Variants in PASD1 observed in about 807,000 individuals in gnomAD.
PASD1 encodes the protein circadian clock protein PASD1.
In PASD1, 13 loss-of-function variants were observed where a neutral mutation model predicts 58.8. The ratio of observed to expected loss-of-function variants is 0.22; its 90% confidence interval spans 0.14 to 0.35. The LOEUF (loss-of-function observed/expected upper bound fraction) is 0.35. Ranked by LOEUF, PASD1 falls within the 10% of genes least tolerant of loss-of-function variation. The pLI is 1.00. For missense variants in PASD1, 734 were observed against 568.3 expected, an observed-to-expected ratio of 1.29 and a Z score of -2.96; for synonymous variants, 236 against 216.7, an observed-to-expected ratio of 1.09 and a Z score of -0.78.
chrX:151,607,435 T>G (rs931022035), intron 3 of PASD1, among the ~76,000 whole-genome samples: 2 of 111,664 alleles, frequency 1.8e-5, no homozygotes, highest in Non-Finnish European at 3.8e-5. Context: ...AAAATTTATA[T>G]GCTAAGGTTT....
intron 1 of PASD1, among the ~76,000 whole-genome samples, chrX:151,591,607 A>G (rs759262676): frequency 4.5e-5 from 5 of 111,725 alleles, no homozygotes; most frequent in African/African-American, 1.3e-4. Context: ...TTCTTTTTCA[A>G]TCTTTCCATG....
intron 8 of PASD1, among the ~76,000 whole-genome samples, chrX:151,643,849 A>C (rs746318027): frequency 8.9e-6 from 1 of 112,295 alleles, no homozygotes; most frequent in East Asian, 2.8e-4. Context: ...AGATGATAAC[A>C]GAGCATATGT....
intron 4 of PASD1, among the ~76,000 whole-genome samples, chrX:151,612,711 A>C (rs1450909022): frequency 2.7e-5 from 3 of 110,822 alleles, no homozygotes; most frequent in South Asian, 3.9e-4. Flanking sequence ...TAGATTCTGG[A>C]TATTAGCCCT....
intron 3 of PASD1, among the ~76,000 whole-genome samples, chrX:151,606,161 A>G (rs1443230991): frequency 9.9e-6 from 1 of 100,847 alleles, no homozygotes; most frequent in Non-Finnish European, 2.0e-5. Flanking sequence ...GGCTTTAATA[A>G]CTTCCCTAGA....
chrX:151,605,883 ACTCT>A (rs1328485662), intron 3 of PASD1, among the ~76,000 whole-genome samples: 5 of 111,739 alleles, frequency 4.5e-5, no homozygotes, highest in Admixed American at 9.5e-5. Context: ...ACTGCACCTG[ACTCT>A]CTCTCAATTT....
chrX:151,642,205 G>A (rs1490986349), intron 8 of PASD1, among the ~76,000 whole-genome samples: 1 of 111,667 alleles, frequency 9.0e-6, no homozygotes, highest in African/African-American at 3.3e-5. Context: ...GGGCTTTTCT[G>A]GCTGTAAGTT....
At chrX:151,580,897 C>A (rs1569398521) in intron 1 of PASD1, among the ~76,000 whole-genome samples, 1 of 110,887 alleles carries the variant, frequency 9.0e-6, no homozygotes, top group African/African-American at 3.3e-5. Context: ...GTATTGTTTA[C>A]TATACAGTAA....
intron 9 of PASD1, among the ~76,000 whole-genome samples, chrX:151,653,868 C>CTCTT (rs1222060384): frequency 0.014 from 226 of 16,392 alleles, 17 homozygotes; most frequent in East Asian, 0.024. Flanking sequence ...CCCTCCCTCC[C>CTCTT]TCTTTCTTTC....
chrX:151,612,519 A>T (rs746138420), intron 4 of PASD1, among the ~76,000 whole-genome samples: 267 of 110,353 alleles, frequency 2.4e-3, no homozygotes, highest in Middle Eastern at 9.3e-3. Flanking sequence ...CTAACTGGTG[A>T]GAGATGGTAT....
At chrX:151,615,836 A>C (rs566605696) in intron 4 of PASD1, among the ~76,000 whole-genome samples, 1 of 112,314 alleles carries the variant, frequency 8.9e-6, no homozygotes, top group Non-Finnish European at 1.9e-5. Flanking sequence ...CTCTTCTATA[A>C]GTGGGGAAAT....
At chrX:151,593,034 T>C (rs773900973) in intron 1 of PASD1, among the ~76,000 whole-genome samples, 7 of 110,981 alleles carry the variant, frequency 6.3e-5, no homozygotes, top group South Asian at 3.9e-4. Context: ...TAGTTAGATG[T>C]AAACATATTT....
intron 4 of PASD1, among the ~76,000 whole-genome samples, chrX:151,613,367 A>G (rs1225505058): frequency 9.2e-6 from 1 of 108,764 alleles, no homozygotes; most frequent in East Asian, 2.8e-4. Flanking sequence ...AGTCCTTGGT[A>G]GCTTGATGGG....
At chrX:151,631,823 T>C (rs2013872109) in intron 8 of PASD1, among the ~76,000 whole-genome samples, 2 of 112,045 alleles carry the variant, frequency 1.8e-5, no homozygotes, top group Admixed American at 9.5e-5. Context: ...TACCATACTA[T>C]ACTATACCGT....
intron 1 of PASD1, among the ~76,000 whole-genome samples, chrX:151,578,831 CAA>C (rs961274949): frequency 3.6e-5 from 4 of 112,054 alleles, no homozygotes; most frequent in African/African-American, 1.3e-4. Context: ...CTGTGGTGAA[CAA>C]AAAGTCTCCT....
At chrX:151,666,961 C>T (rs1041519949) in intron 11 of PASD1, among the ~76,000 whole-genome samples, 2 of 109,202 alleles carry the variant, frequency 1.8e-5, no homozygotes, top group South Asian at 4.0e-4. Context: ...AATTGCCACA[C>T]TTTCTTCCAC....
chrX:151,645,011 T>C (rs2014042739), intron 8 of PASD1, among the ~76,000 whole-genome samples: 1 of 111,175 alleles, frequency 9.0e-6, no homozygotes, highest in African/African-American at 3.3e-5. Flanking sequence ...TGCTAGTATC[T>C]AGTTATCAAG....
At chrX:151,671,532 T>C in intron 12 of PASD1, 41 bp from the exon 13 acceptor site, 1 of 1,183,872 alleles carries the variant, frequency 8.4e-7, no homozygotes, top group South Asian at 1.8e-5. Context: ...AGGAAAGGTG[T>C]GGACTGTGAA....
intron 1 of PASD1, among the ~76,000 whole-genome samples, chrX:151,597,330 A>T (rs1569402046): frequency 8.9e-6 from 1 of 112,175 alleles, no homozygotes; most frequent in Non-Finnish European, 1.9e-5. Context: ...ATGGATTTTT[A>T]ACTACCAAAT....
In PASD1 at chrX:151,676,193, C is replaced by A; in HGVS notation, c.*50C>A. 5 of 1,141,977 alleles carry A rather than the reference C, an allele frequency of 4.4e-6. No homozygotes were observed. Among genetic ancestry groups the A allele is most frequent in the Admixed American group, 2.4e-5 (1 of 42,282 alleles). The allele number at this position is 1,141,977 out of a possible 1,213,427, so 94.1% of individuals were successfully genotyped here. On this transcript the variant is annotated 3_prime_UTR_variant, in exon 16 of 16. Transcript: ENST00000370357. ...GGGGAAATGGGGGGAGGGGGCAGGC[C>A]AATGAGGTCTGCATGGCCAGGGGAC...
Sources: allele counts gnomAD v4.1 joint callset (sites outside exome capture counted in the v4.1 genomes callset), GRCh38; gene constraint gnomAD v4.1.1; transcripts MANE v1.5; gene names NCBI Gene and HGNC (gene_info 2026-07-23, HGNC 2026-07-21).